The following TRHDE variants were observed in gnomAD, a reference collection of about 807,000 sequenced individuals.
The protein encoded by TRHDE is thyrotropin releasing hormone degrading enzyme.
Under a neutral mutation model 125.7 loss-of-function variants are expected in TRHDE, and 72 were observed. The observed-to-expected ratio is 0.57, with a 90% confidence interval of 0.47 to 0.70. The LOEUF is 0.70. Ranked by LOEUF, TRHDE falls within the 30% of genes least tolerant of loss-of-function variation. TRHDE has a pLI of 0.00. For synonymous variants in TRHDE, 509 were observed against 509.1 expected (o/e 1.00, Z 0.00); for missense variants, 1,110 against 1,327.1 (o/e 0.84, Z 2.54).
chr12:72,662,370 CA>C (rs1448308129), intron 18 of TRHDE, among the ~76,000 whole-genome samples: 1 of 152,030 alleles, frequency 6.6e-6, no homozygotes, highest in East Asian at 1.9e-4. Flanking sequence ...AATTTTATGT[CA>C]AAAAATATGG....
intron 18 of TRHDE, among the ~76,000 whole-genome samples, chr12:72,658,651 GATTT>G (rs1874798922): frequency 6.6e-6 from 1 of 152,102 alleles, no homozygotes; most frequent in African/African-American, 2.4e-5. Context: ...ATATTTCACT[GATTT>G]ATTAAATTTT....
intron 5 of TRHDE, among the ~76,000 whole-genome samples, chr12:72,474,223 T>C (rs1289399003): frequency 6.6e-6 from 1 of 152,154 alleles, no homozygotes; most frequent in African/African-American, 2.4e-5. Flanking sequence ...GCCATAAACA[T>C]ATTCATCACC....
chr12:72,522,121 A>C (rs1403494559), intron 6 of TRHDE, among the ~76,000 whole-genome samples: 1 of 152,182 alleles, frequency 6.6e-6, no homozygotes, highest in Non-Finnish European at 1.5e-5. Flanking sequence ...GAGGACACTG[A>C]GGCAGTAACT....
intron 3 of TRHDE, among the ~76,000 whole-genome samples, chr12:72,463,868 G>T (rs1876241677): frequency 6.6e-6 from 1 of 152,190 alleles, no homozygotes; most frequent in Non-Finnish European, 1.5e-5. Context: ...TTTCACTAAT[G>T]CTGGAGACTG....
intron 15 of TRHDE, among the ~76,000 whole-genome samples, chr12:72,650,692 GT>G (rs145159273): frequency 1.1e-4 from 17 of 150,598 alleles, no homozygotes; most frequent in South Asian, 8.4e-4. Context: ...ATATTTTGTT[GT>G]TTTTTTTTCT....
chr12:72,290,727 G>T (rs1216366176), intron 2 of TRHDE, among the ~76,000 whole-genome samples: 2 of 152,190 alleles, frequency 1.3e-5, no homozygotes, highest in Admixed American at 1.3e-4. Flanking sequence ...TCCACGTGTG[G>T]CTTCTTCATG....
chr12:72,545,459 C>A (rs1296624487), intron 7 of TRHDE, among the ~76,000 whole-genome samples: 5 of 151,394 alleles, frequency 3.3e-5, no homozygotes, highest in Non-Finnish European at 5.9e-5. Flanking sequence ...TTCTCTAAAT[C>A]TAGGATTACT....
At chr12:72,296,994 A>G (rs775292924) in intron 2 of TRHDE, among the ~76,000 whole-genome samples, 10 of 152,188 alleles carry the variant, frequency 6.6e-5, no homozygotes, top group Non-Finnish European at 1.3e-4. Context: ...TCCAGAAAGC[A>G]GCCAAGAGCT....
Position 72,654,015 on chromosome 12 carries a change from T to A in TRHDE, c.2984+859T>A, listed in dbSNP as rs1329854730. On this transcript the variant is annotated intron_variant, in intron 17 of 18. Transcript: ENST00000261180. ...ATTTCATTGTCAGAAAACACTGATA[T>A]TTCTATAAGACACATTGACTTTTTT... 2.0e-5 allele frequency among the ~76,000 whole-genome samples: 3 copies of A among 152,166 alleles called. No homozygotes were observed. In the East Asian group the frequency reaches 5.8e-4, roughly 29 times the overall value.
At chr12:72,402,327 G>T (rs924086770) in intron 3 of TRHDE, among the ~76,000 whole-genome samples, 1 of 152,102 alleles carries the variant, frequency 6.6e-6, no homozygotes, top group African/African-American at 2.4e-5. Context: ...GCAAATTTGT[G>T]TTGGGCCACA....
At chr12:72,635,590 T>C (rs1873706646) in intron 15 of TRHDE, among the ~76,000 whole-genome samples, 1 of 152,116 alleles carries the variant, frequency 6.6e-6, no homozygotes, top group South Asian at 2.1e-4. Context: ...GCCTATGTCC[T>C]GAATGGTAAT....
intron 10 of TRHDE, among the ~76,000 whole-genome samples, chr12:72,571,605 T>C (rs546439939): frequency 6.6e-6 from 1 of 152,296 alleles, no homozygotes; most frequent in Admixed American, 6.5e-5. Context: ...ATTCTTATTA[T>C]GCAAATACCA....
chr12:72,642,749 T>C (rs1321648767), intron 15 of TRHDE, among the ~76,000 whole-genome samples: 1 of 152,144 alleles, frequency 6.6e-6, no homozygotes, highest in Non-Finnish European at 1.5e-5. Flanking sequence ...ACAATTTCCA[T>C]GTTCACTAGG....
intron 2 of TRHDE, among the ~76,000 whole-genome samples, chr12:72,298,137 C>G (rs993893332): frequency 1.3e-5 from 2 of 152,114 alleles, no homozygotes; most frequent in Non-Finnish European, 2.9e-5. Context: ...CTAATAGAAG[C>G]TAATAGAAAG....
chr12:72,268,922 T>C (rs1486073731), upstream of TRHDE, among the ~76,000 whole-genome samples: 1 of 152,054 alleles, frequency 6.6e-6, no homozygotes, highest in African/African-American at 2.4e-5. Context: ...TCCTAACAAA[T>C]AAACATGTTT....
intron 2 of TRHDE, among the ~76,000 whole-genome samples, chr12:72,124,035 G>T (rs1448675847): frequency 6.6e-6 from 1 of 152,048 alleles, no homozygotes; most frequent in African/African-American, 2.4e-5. Context: ...TGTTGTACAG[G>T]CATATAATTT....
intron 12 of TRHDE, among the ~76,000 whole-genome samples, chr12:72,582,807 A>C (rs1184897366): frequency 6.6e-6 from 1 of 152,080 alleles, no homozygotes; most frequent in Non-Finnish European, 1.5e-5. Context: ...GCCATGAAAA[A>C]CCTGATTAAG....
chr12:72,169,092 G>T (rs979497820), intron 2 of TRHDE, among the ~76,000 whole-genome samples: 1 of 151,102 alleles, frequency 6.6e-6, no homozygotes, highest in African/African-American at 2.4e-5. Flanking sequence ...GAACAGATTT[G>T]TCTAAAGATA....
intron 2 of TRHDE, chr12:72,186,473 C>G (rs1022115768): frequency 6.1e-6 from 1 of 164,734 alleles, no homozygotes; most frequent in African/African-American, 2.4e-5. Context: ...GAAGAAACTC[C>G]AAACACATCT....
Sources: gnomAD v4.1 joint callset for allele counts (sites outside exome capture counted in the v4.1 genomes callset) on GRCh38, gnomAD v4.1.1 for gene constraint, MANE v1.5 for transcripts, NCBI Gene and HGNC (gene_info 2026-07-23, HGNC 2026-07-21) for gene names.